The following LTF variants were observed in gnomAD, a reference collection of about 807,000 sequenced individuals.
The protein encoded by LTF is lactotransferrin, also known as epididymis luminal protein 110.
In LTF, 91 loss-of-function variants were observed where a neutral mutation model predicts 87.2. That is an observed-to-expected ratio of 1.04 (90% CI 0.88 to 1.24). LTF has a LOEUF of 1.24. LTF is among the 50% of genes most tolerant of loss of function. The probability of loss-of-function intolerance (pLI) is 0.00; values close to 1 mark genes in which losing one functional copy is unlikely to be tolerated. For synonymous variants in LTF, 378 were observed against 356.1 expected (o/e 1.06, Z -0.69); for missense variants, 901 against 904.3 (o/e 1.00, Z 0.05).
chr3:46,438,535 T>C (rs1575303013), intron 15 of LTF, among the ~76,000 whole-genome samples: 1 of 152,228 alleles, frequency 6.6e-6, no homozygotes, highest in African/African-American at 2.4e-5. Flanking sequence ...AAACCCAGGC[T>C]CAGCCACTAA....
intron 1 of LTF, among the ~76,000 whole-genome samples, chr3:46,478,377 G>A (rs908748473): frequency 6.6e-6 from 1 of 152,134 alleles, no homozygotes; most frequent in Non-Finnish European, 1.5e-5. Flanking sequence ...GAACCCATGT[G>A]GCCACTCAGT....
Position 46,476,064 on chromosome 3 carries a change from C to T in LTF, c.-319-5598G>A, listed in dbSNP as rs555550299. On this transcript the variant is annotated intron_variant, in intron 1 of 19. Coordinates refer to the LTF transcript ENST00000443496. ...TAATTGCTAGTATTAGAAATACAAT[C>T]TATTTTTGTATTTATCCTTCTGTTT... Among the ~76,000 whole-genome samples the T allele has an allele frequency of 1.0e-3, 153 of 152,204 alleles. 1 individual carries two copies. Among genetic ancestry groups the T allele is most frequent in the Admixed American group, 3.7e-3 (57 of 15,300 alleles).
intron 6 of LTF, 42 bp from the exon 7 acceptor site, chr3:46,450,715 C>T (rs761111650): frequency 1.9e-6 from 3 of 1,543,398 alleles, no homozygotes; most frequent in Non-Finnish European, 1.8e-6. Context: ...GATAAGCCGA[C>T]TCCAGCAGTA....
rs1232533471 is a variant in LTF, at chr3:46,464,842, A to G, written c.26T>C (p.Leu9Pro). The G allele has an allele frequency of 6.2e-7, 1 of 1,613,984 alleles. No homozygotes were observed. The highest frequency in any genetic ancestry group is 1.7e-5 in the Admixed American group (1 of 59,920). ...GCACTCACCGAGGGCCCCGAGGAACAGCAGGACGAGGAAGACAAGTTTCAT... is the reference window on the plus strand; with the variant it reads ...GCACTCACCGAGGGCCCCGAGGAACGGCAGGACGAGGAAGACAAGTTTCAT... MKLVFLVLLFLGALGLCLA... is the reference protein window; with the variant it reads MKLVFLVLPFLGALGLCLA... Residue 9 changes from leucine (L) to proline (P), a missense_variant, in exon 1 of 17, where the codon CTG (leucine) becomes CCG (proline). Transcript: ENST00000231751.
chr3:46,438,519 C>G (rs935994006), intron 15 of LTF, among the ~76,000 whole-genome samples: 4 of 152,168 alleles, frequency 2.6e-5, no homozygotes. Context: ...AGGCAGGCTG[C>G]TAGGAAAACC....
chr3:46,461,189 C>T (rs1244517565), intron 1 of LTF, among the ~76,000 whole-genome samples: 2 of 152,182 alleles, frequency 1.3e-5, no homozygotes, highest in Non-Finnish European at 2.9e-5. Context: ...AGTGGAAACC[C>T]TCATACATTG....
chr3:46,437,809 G>A (rs1702420558), intron 16 of LTF, 131 bp downstream of exon 16: 1 of 698,084 alleles, frequency 1.4e-6, no homozygotes, highest in Admixed American at 2.6e-5. Context: ...ATAATTTCCT[G>A]AACTGTAAAG....
At position 46,436,718 on chromosome 3, in the gene LTF, C is replaced by T. The variant is rs1160760995; in HGVS notation, c.2099-489G>A. ...TGTGGTCTATGCAGTCCTGAGCTGGCTGCTCACAAGAAGAGCCCTGTAGCC... is the reference window on the plus strand; with the variant it reads ...TGTGGTCTATGCAGTCCTGAGCTGGTTGCTCACAAGAAGAGCCCTGTAGCC... On this transcript the variant is annotated intron_variant, in intron 16 of 16. Transcript: ENST00000231751. Among the ~76,000 whole-genome samples the T allele has an allele frequency of 2.0e-5, 3 of 152,334 alleles. No individual in the cohort carries two copies. In the East Asian group the frequency reaches 5.8e-4, roughly 29 times the overall value.
At chr3:46,436,951 A>G (rs770519682) in intron 16 of LTF, among the ~76,000 whole-genome samples, 1 of 152,236 alleles carries the variant, frequency 6.6e-6, no homozygotes, top group African/African-American at 2.4e-5. Context: ...TAAGAATCAA[A>G]AAAATGCTTC....
intron 1 of LTF, among the ~76,000 whole-genome samples, chr3:46,463,947 T>C (rs1021218703): frequency 2.0e-5 from 3 of 152,164 alleles, no homozygotes; most frequent in African/African-American, 7.2e-5. Context: ...TCCAGGAAGC[T>C]CCCAGCCTTA....
intron 1 of LTF, among the ~76,000 whole-genome samples, chr3:46,484,187 G>A (rs956556884): frequency 2.0e-5 from 3 of 152,196 alleles, no homozygotes; most frequent in Admixed American, 1.3e-4. Context: ...ATGGAAATTC[G>A]TAAATGGACA....
rs557165270 is a variant in LTF, at chr3:46,450,492, T to A, written c.882+3A>T. On this transcript the variant is annotated splice_donor_region_variant and intron_variant, in intron 7 of 16. Coordinates refer to ENST00000231751, the MANE Select transcript of LTF (RefSeq NM_002343.6). ...AAGTGGGGAGGACCGTGGGTGAAGA[T>A]ACCTGTGCCTGGCGGAGAAGATTCC... The A allele has an allele frequency of 5.7e-5, 91 of 1,607,896 alleles. No homozygotes were observed. The South Asian group carries it at 9.2e-4, about 16-fold the overall frequency.
intron 5 of LTF, 148 bp from the exon 6 acceptor site, chr3:46,454,508 G>A (rs978237782): frequency 8.1e-6 from 6 of 744,578 alleles, no homozygotes; most frequent in Middle Eastern, 7.2e-4. Flanking sequence ...AGCTGGGAAG[G>A]TAGGGGCCCC....
At chr3:46,479,789 A>C (rs1016322303) in intron 1 of LTF, among the ~76,000 whole-genome samples, 5 of 152,168 alleles carry the variant, frequency 3.3e-5, no homozygotes, top group Non-Finnish European at 7.3e-5. Context: ...CAGCCTCCCA[A>C]AATGCTGGGA....
rs191926019 is a variant in LTF at position 46,471,930 on chromosome 3, C to T, written c.-319-1464G>A. Among the ~76,000 whole-genome samples the T allele has an allele frequency of 2.5e-3, 378 of 152,262 alleles. 2 individuals carry two copies. Among genetic ancestry groups the T allele is most frequent in the Admixed American group, 7.0e-3 (107 of 15,302 alleles). On this transcript the variant is annotated intron_variant, in intron 1 of 19. Coordinates refer to the LTF transcript ENST00000443496. ...GGGACAATTCCCCCAAATTTTAACA[C>T]GCACCACTTTAAGGCCGAGATGCTG...
intron 11 of LTF, 79 bp from the exon 12 acceptor site, chr3:46,445,515 G>A (rs560758903): frequency 3.6e-5 from 49 of 1,350,140 alleles, no homozygotes; most frequent in Non-Finnish European, 4.6e-5. Context: ...GCTGTCTACA[G>A]CCCAGGCCAA....
intron 1 of LTF, among the ~76,000 whole-genome samples, chr3:46,472,941 C>G (rs2106919929): frequency 6.6e-6 from 1 of 152,286 alleles, no homozygotes; most frequent in Admixed American, 6.5e-5. Context: ...GGGCCAGACT[C>G]CCCATGTCTC....
At chr3:46,444,872 G>T (rs1037210619) in intron 12 of LTF, among the ~76,000 whole-genome samples, 1 of 152,160 alleles carries the variant, frequency 6.6e-6, no homozygotes, top group Non-Finnish European at 1.5e-5. Context: ...TAGAGTAAGC[G>T]TCAGTTTTGC....
intron 6 of LTF, 102 bp from the exon 7 acceptor site, chr3:46,450,775 G>A (rs1702784684): frequency 1.0e-6 from 1 of 981,278 alleles, no homozygotes; most frequent in Non-Finnish European, 1.6e-6. Context: ...AGCTTGGGGA[G>A]ATAGCTGACA....
Sources: allele counts gnomAD v4.1 joint callset (sites outside exome capture counted in the v4.1 genomes callset), GRCh38; gene constraint gnomAD v4.1.1; transcripts MANE v1.5; gene names NCBI Gene and HGNC (gene_info 2026-07-23, HGNC 2026-07-21).